TRIP11: variants seen among roughly 807,000 people sequenced by gnomAD.
TRIP11 encodes thyroid receptor-interacting protein 11.
In TRIP11, 148 loss-of-function variants were observed where a neutral mutation model predicts 223.1. The ratio of observed to expected loss-of-function variants is 0.66; its 90% confidence interval spans 0.58 to 0.76. TRIP11 has a LOEUF of 0.76. Among genes scored for constraint, TRIP11 ranks in the 30% least tolerant of loss-of-function variants. TRIP11 has a pLI of 0.00. For missense variants in TRIP11, 2,043 were observed against 2,222.0 expected (o/e 0.92, Z 1.62); for synonymous variants, 762 against 772.6 (o/e 0.99, Z 0.23).
In TRIP11 at chr14:91,978,399, CCT is replaced by C. The variant is rs1448323149; in HGVS notation, c.5261-2212_5261-2211del. ...ACCTCCAACCCCCACCTTCCCTTTC[CCT>C]GAGACTTCCCTTCTCCTACCTACTT... On this transcript the variant is annotated intron_variant, in intron 16 of 20. Coordinates refer to ENST00000267622, the MANE Select transcript of TRIP11 (RefSeq NM_004239.4). The surrounding 1 kb of genome is among the most constrained non-coding windows in gnomAD (Gnocchi z 4.4). 1.3e-5 allele frequency among the ~76,000 whole-genome samples: 2 copies of C among 152,128 alleles called. No homozygotes were observed. Among genetic ancestry groups the C allele is most frequent in the Non-Finnish European group, 1.5e-5 (1 of 68,028 alleles).
intron 5 of TRIP11, among the ~76,000 whole-genome samples, chr14:92,016,364 G>A (rs955443149): frequency 6.6e-6 from 1 of 152,096 alleles, no homozygotes; most frequent in Non-Finnish European, 1.5e-5. Context: ...TGAGTCCATC[G>A]ACTAGGGAAA....
intron 2 of TRIP11, among the ~76,000 whole-genome samples, chr14:92,028,392 A>G (rs1417472044): frequency 6.6e-6 from 1 of 152,096 alleles, no homozygotes; most frequent in Non-Finnish European, 1.5e-5. Flanking sequence ...AACAAAAAAT[A>G]CAAATACAAA....
chr14:92,025,548 GA>G, intron 2 of TRIP11, 128 bp from the exon 3 acceptor site: 1 of 684,052 alleles, frequency 1.5e-6, no homozygotes, highest in Non-Finnish European at 2.5e-6. Flanking sequence ...GTCTCGGACA[GA>G]ATTCTGGACT....
intron 16 of TRIP11, among the ~76,000 whole-genome samples, chr14:91,984,940 T>C (rs1441651984): frequency 6.6e-6 from 1 of 152,224 alleles, no homozygotes; most frequent in African/African-American, 2.4e-5. Flanking sequence ...AAAGGAAGGA[T>C]AGCAGTAATT....
At position 92,006,205 on chromosome 14, in the gene TRIP11, G is replaced by C; in HGVS notation, c.1771C>G (p.Gln591Glu). 1 of 1,613,172 alleles carries C rather than the reference G, an allele frequency of 6.2e-7. No homozygotes were observed. Among genetic ancestry groups the C allele is most frequent in the South Asian group, 1.1e-5 (1 of 90,968 alleles). The change falls in exon 11 of 21, where the codon CAG (glutamine) becomes GAG (glutamate). Residue 591 changes from glutamine to glutamate, a missense_variant. Coordinates refer to ENST00000267622, the MANE Select transcript of TRIP11 (RefSeq NM_004239.4). The stretch of plus-strand genomic sequence containing the variant: ...TTACTTTCTTGTGATTTATTTAGCT[G>C]ATCTACTAAATTTTCTACTTTGTCC... ...LEDKVENLVD[Q>E]LNKSQESNVS...
At chr14:91,994,139 G>C (rs1055196555) in intron 14 of TRIP11, among the ~76,000 whole-genome samples, 1 of 151,612 alleles carries the variant, frequency 6.6e-6, no homozygotes, top group Admixed American at 6.6e-5. Context: ...CTCTCCCTTC[G>C]TAACTCTTCT....
intron 7 of TRIP11, among the ~76,000 whole-genome samples, chr14:92,012,997 G>A (rs1595394937): frequency 2.0e-5 from 3 of 152,134 alleles, no homozygotes; most frequent in South Asian, 4.1e-4. Flanking sequence ...AGCTGGGGGC[G>A]GTGGCTCACG....
At chr14:92,020,065 T>C (rs1301520978) in intron 4 of TRIP11, among the ~76,000 whole-genome samples, 2 of 152,158 alleles carry the variant, frequency 1.3e-5, no homozygotes, top group Admixed American at 6.5e-5. Context: ...CTGGGTAACA[T>C]GGTGAAACCC....
intron 5 of TRIP11, among the ~76,000 whole-genome samples, chr14:92,016,963 G>C (rs751061158): frequency 7.2e-5 from 11 of 152,068 alleles, no homozygotes; most frequent in Non-Finnish European, 1.6e-4. Flanking sequence ...TTTCTTTAAA[G>C]AAATAATAAT....
chr14:92,013,297 T>C (rs1262159204), intron 7 of TRIP11, among the ~76,000 whole-genome samples: 1 of 152,066 alleles, frequency 6.6e-6, no homozygotes, highest in Non-Finnish European at 1.5e-5. Flanking sequence ...AGCTAACTCT[T>C]CAACATTTAC....
intron 16 of TRIP11, among the ~76,000 whole-genome samples, chr14:91,977,772 C>T (rs1275047815): frequency 5.9e-5 from 9 of 152,110 alleles, no homozygotes; most frequent in African/African-American, 1.4e-4. Flanking sequence ...CTGTACAATG[C>T]TTCTGCACAA....
rs1481730411 is a variant in TRIP11, at chr14:92,037,447, G to C, written c.139+2100C>G. Among the ~76,000 whole-genome samples, 1 of 152,232 alleles carries C rather than the reference G, an allele frequency of 6.6e-6. No individual in the cohort carries two copies. Among genetic ancestry groups the C allele is most frequent in the Non-Finnish European group, 1.5e-5 (1 of 68,044 alleles). ...TGTTTTCTGGGTGAAGGAGGAAATA[G>C]AGAAGAAAGGGCTTTCCATGTAGAG... On this transcript the variant is annotated intron_variant, in intron 1 of 20. Coordinates refer to ENST00000267622, the MANE Select transcript of TRIP11 (RefSeq NM_004239.4). The surrounding 1 kb of genome is among the most constrained non-coding windows in gnomAD (Gnocchi z 4.2).
In TRIP11 at chr14:92,004,616, G is replaced by C; in HGVS notation, c.3360C>G (p.His1120Gln). The C allele has an allele frequency of 1.2e-6, 2 of 1,614,058 alleles. No homozygotes were observed. The highest frequency in any genetic ancestry group is 1.7e-6 in the Non-Finnish European group (2 of 1,180,004). The change falls in exon 11 of 21, where the codon CAC becomes CAG. Residue 1120 changes from histidine to glutamine, a missense_variant. His to Gln is a conservative substitution (Grantham distance 24, BLOSUM62 0). Coordinates refer to ENST00000267622, the MANE Select transcript of TRIP11 (RefSeq NM_004239.4). ...TGGCAGCAACAATATCCATCATTTT[G>C]TGATATTCTGTTTTTAGATGGCTAT... ...RENSHLKTEYHKMMDIVAAKE... is the reference protein window; with the variant it reads ...RENSHLKTEYQKMMDIVAAKE...
chr14:91,972,702 A>C lies in TRIP11; in HGVS notation c.5719+15T>G. 1 of 1,598,648 alleles carries C rather than the reference A, an allele frequency of 6.3e-7. No homozygotes were observed. ...CAATTTTCAAATTATAGAAAAATTA[A>C]ATCTCTAGTTTTACCTTTAAAACTT... On this transcript the variant is annotated intron_variant, in intron 20 of 20. Transcript: ENST00000267622.
At position 92,004,372 on chromosome 14, in the gene TRIP11, T is replaced by C. The variant is rs41301481; in HGVS notation, c.3604A>G (p.Asn1202Asp). 1.2e-6 allele frequency: 2 copies of C among 1,614,126 alleles called. No homozygotes were observed. The highest frequency in any genetic ancestry group is 1.7e-6 in the Non-Finnish European group (2 of 1,180,022). The change falls in exon 11 of 21, where the codon AAT becomes GAT. Residue 1202 changes from asparagine (N) to aspartate (D), a missense_variant. Asn to Asp is a conservative substitution (Grantham distance 23). Coordinates refer to ENST00000267622, the MANE Select transcript of TRIP11 (RefSeq NM_004239.4). ...TGNEAGGVNS[N>D]QFEELLQERD... ...TCCTGTAGAAGCTCCTCAAATTGAT[T>C]ACTATTAACACCTCCAGCCTCATTA...
chr14:92,038,501 C>T (rs2057347648), intron 1 of TRIP11, among the ~76,000 whole-genome samples: 1 of 152,048 alleles, frequency 6.6e-6, no homozygotes, highest in South Asian at 2.1e-4. Flanking sequence ...TTCGGTAGCT[C>T]CCCAGTCTAT....
intron 15 of TRIP11, among the ~76,000 whole-genome samples, chr14:91,991,909 C>G (rs1387811180): frequency 6.6e-6 from 1 of 151,382 alleles, no homozygotes; most frequent in Non-Finnish European, 1.5e-5. Flanking sequence ...ATGGTGAAAC[C>G]CTGTCTCTAC....
chr14:92,028,195 T>C (rs544245580), intron 2 of TRIP11, among the ~76,000 whole-genome samples: 2 of 152,328 alleles, frequency 1.3e-5, no homozygotes. Flanking sequence ...AATAGAACTG[T>C]GAAACTTTGA....
At position 91,999,352 on chromosome 14, in the gene TRIP11, A is replaced by T; in HGVS notation, c.4780T>A (p.Ser1594Thr). 1 of 1,613,896 alleles carries T rather than the reference A, an allele frequency of 6.2e-7. No individual in the cohort carries two copies. The highest frequency in any genetic ancestry group is 8.5e-7 in the Non-Finnish European group (1 of 1,179,908). ...GCAGCCAAAGCTTCACGGGTATAAGAATCTTCTGATTCTAAAAGATGATTA... is the reference window on the plus strand; with the variant it reads ...GCAGCCAAAGCTTCACGGGTATAAGTATCTTCTGATTCTAAAAGATGATTA... ...LRNHLLESED[S>T]YTREALAAED... Residue 1594 changes from serine (S) to threonine (T), a missense_variant, in exon 13 of 21, where the codon TCT becomes ACT. Ser to Thr is a moderately conservative substitution (Grantham distance 58). Coordinates refer to ENST00000267622, the MANE Select transcript of TRIP11 (RefSeq NM_004239.4).
Sources: allele counts gnomAD v4.1 joint callset (sites outside exome capture counted in the v4.1 genomes callset), GRCh38; gene constraint gnomAD v4.1.1; non-coding constraint Gnocchi (gnomAD v3.1); transcripts MANE v1.5; gene names NCBI Gene and HGNC (gene_info 2026-07-23, HGNC 2026-07-21).